FMO1: variants seen among roughly 807,000 people sequenced by gnomAD.
FMO1 encodes the protein flavin containing dimethylaniline monoxygenase 1.
A neutral mutation model predicts 45.4 loss-of-function variants in FMO1; 36 were observed. That is an observed-to-expected ratio of 0.79 (90% CI 0.61 to 1.05). The LOEUF is 1.05. Among genes scored for constraint, FMO1 ranks in the 50% least tolerant of loss-of-function variants. The pLI, the probability that FMO1 is intolerant of heterozygous loss-of-function variation, is 0.00. For missense variants in FMO1, 615 were observed against 640.3 expected (o/e 0.96, Z 0.43); for synonymous variants, 228 against 227.2 (o/e 1.00, Z -0.03).
In FMO1 at chr1:171,270,846, A is replaced by C. The variant is rs184815680; in HGVS notation, c.321+3115A>C. ...AAAGACACTGTACAGTTTAAAAACA[A>C]ATCCTACACAGACTTACATTTCCAT... On this transcript the variant is annotated intron_variant, in intron 3 of 8. Coordinates refer to ENST00000617670, the MANE Select transcript of FMO1 (RefSeq NM_001282693.2). 2.0e-4 allele frequency: 143 copies of C among 699,100 alleles called. 1 individual carries two copies. The highest frequency in any genetic ancestry group is 1.8e-3 in the South Asian group (92 of 50,512). The allele number at this position is 699,100 out of a possible 1,614,324, so 43.3% of individuals were successfully genotyped here.
chr1:171,285,243 T>C lies in FMO1; in HGVS notation c.1298T>C (p.Ile433Thr), dbSNP rs144863324. 23 of 1,613,320 alleles carry C rather than the reference T, an allele frequency of 1.4e-5. No individual in the cohort carries two copies. In the African/African-American group the frequency reaches 3.1e-4, roughly 22 times the overall value. ...TGCAAGGCTTTACAATCAGATTATA[T>C]CACATACATAGATGAACTCCTGACC... is the stretch of plus-strand genomic sequence containing the variant. ...CYCKALQSDY[I>T]TYIDELLTYI... The change falls in exon 9 of 9, where the codon ATC (isoleucine) becomes ACC (threonine). Residue 433 changes from isoleucine to threonine, a missense_variant. Coordinates refer to ENST00000617670, the MANE Select transcript of FMO1 (RefSeq NM_001282693.2).
intron 4 of FMO1, among the ~76,000 whole-genome samples, chr1:171,277,872 C>T (rs1204794773): frequency 6.6e-6 from 1 of 152,056 alleles, no homozygotes; most frequent in Non-Finnish European, 1.5e-5. Context: ...CAAGTATATA[C>T]ATTTTTCCCC....
chr1:171,254,152 G>C (rs565891371), intron 1 of FMO1: 2 of 151,948 alleles, frequency 1.3e-5, no homozygotes, highest in African/African-American at 4.8e-5. Context: ...GCAGTGGCAC[G>C]ATCTTGGCTC....
In FMO1 at chr1:171,282,301, C is replaced by T; in HGVS notation, c.1151C>T (p.Thr384Ile). The T allele has an allele frequency of 6.2e-7, 1 of 1,612,954 alleles. No individual in the cohort carries two copies. The highest frequency in any genetic ancestry group is 8.5e-7 in the Non-Finnish European group (1 of 1,179,182). The change falls in exon 7 of 9, where the codon ACA becomes ATA. Residue 384 changes from threonine to isoleucine, a missense_variant. Transcript: ENST00000617670. Reference protein sequence around the residue: ...PLGSMIPTGETQARWAVRVLK... With the variant: ...PLGSMIPTGEIQARWAVRVLK... The stretch of plus-strand genomic sequence containing the variant: ...GGCTCCATGATACCTACAGGAGAAA[C>T]ACAAGCTCGGTGGGCTGTTCGAGTC...
intron 1 of FMO1, among the ~76,000 whole-genome samples, chr1:171,252,580 C>T (rs1294684558): frequency 2.6e-5 from 4 of 152,200 alleles, no homozygotes; most frequent in Non-Finnish European, 2.9e-5. Context: ...GGCTGAGAGT[C>T]GGTGATGCTG....
At chr1:171,273,503 A>T (rs1660961439) in intron 3 of FMO1, among the ~76,000 whole-genome samples, 1 of 151,742 alleles carries the variant, frequency 6.6e-6, no homozygotes, top group African/African-American at 2.4e-5. Flanking sequence ...GCTGCCCAAG[A>T]CCTTTTTTAT....
intron 3 of FMO1, chr1:171,270,753 G>T (rs1398757146): frequency 9.9e-5 from 112 of 1,126,574 alleles, no homozygotes; most frequent in Non-Finnish European, 1.2e-4. Flanking sequence ...AAGGTTAGTG[G>T]CTATTGAAAA....
intron 4 of FMO1, among the ~76,000 whole-genome samples, chr1:171,276,438 C>G (rs761131610): frequency 3.9e-5 from 6 of 152,152 alleles, no homozygotes; most frequent in Non-Finnish European, 8.8e-5. Context: ...CTTCTTGAAC[C>G]CATTCAACAA....
intron 8 of FMO1, among the ~76,000 whole-genome samples, chr1:171,284,831 T>G (rs1357057287): frequency 6.6e-6 from 1 of 152,016 alleles, no homozygotes; most frequent in Non-Finnish European, 1.5e-5. Context: ...ACCCTATAGA[T>G]TTTTGTGGCT....
intron 2 of FMO1, among the ~76,000 whole-genome samples, chr1:171,263,459 T>C (rs1328945220): frequency 6.6e-6 from 1 of 152,162 alleles, no homozygotes; most frequent in Non-Finnish European, 1.5e-5. Flanking sequence ...TGGAGTCTGT[T>C]TCACAGCTCA....
intron 4 of FMO1, among the ~76,000 whole-genome samples, chr1:171,278,171 G>A (rs1343730770): frequency 6.6e-6 from 1 of 152,118 alleles, no homozygotes; most frequent in Non-Finnish European, 1.5e-5. Flanking sequence ...AGCAAACTCA[G>A]CCTGAGTTAC....
chr1:171,271,288 G>T lies in FMO1; in HGVS notation c.321+3557G>T, dbSNP rs200093145. 123 of 1,268,390 alleles carry T rather than the reference G, an allele frequency of 9.7e-5. 4 individuals carry two copies. The East Asian group carries it at 1.2e-3, about 12-fold the overall frequency. 78.6% of individuals were successfully genotyped at this position (1,268,390 alleles called of 1,614,324 possible). A position where few individuals can be genotyped will look rare whatever the true frequency, so the allele number is the denominator to read the frequency against. On this transcript the variant is annotated intron_variant, in intron 3 of 8. Transcript: ENST00000617670. The stretch of plus-strand genomic sequence containing the variant: ...ATACTCAGAGCAGAACAGGAAAAAG[G>T]CTGAAGGAGGCCTCTTGGGTGCATT...
intron 2 of FMO1, among the ~76,000 whole-genome samples, chr1:171,260,317 G>T (rs1279719970): frequency 1.3e-5 from 2 of 152,138 alleles, no homozygotes; most frequent in Non-Finnish European, 2.9e-5. Context: ...ATTTTTGTAG[G>T]CAAATAGAAA....
rs113367387 is a variant in FMO1 at position 171,252,736 on chromosome 1, G to A, written c.-7+4113G>A. Among the ~76,000 whole-genome samples the A allele has an allele frequency of 3.3e-5, 5 of 152,296 alleles. 1 individual carries two copies. The highest frequency in any genetic ancestry group is 1.2e-4 in the African/African-American group (5 of 41,578). On this transcript the variant is annotated intron_variant, in intron 1 of 8. Transcript: ENST00000617670. ...GCACTGTGCTCACCACACATCTGGT[G>A]CAGCCTTTTCTGGCAGAGGCTCTTG...
At position 171,256,920 on chromosome 1, in the gene FMO1, T is replaced by C. The variant is rs1571328495; in HGVS notation, c.-6-1162T>C. Among the ~76,000 whole-genome samples the C allele has an allele frequency of 3.3e-5, 5 of 152,322 alleles. No homozygotes were observed. The South Asian group carries it at 1.0e-3, about 32-fold the overall frequency. On this transcript the variant is annotated intron_variant, in intron 1 of 8. Transcript: ENST00000617670. Reference sequence around the variant, plus strand: ...TATTGGGGGAAAAGCTAACATCACATAATTTAGTGACAAATGTGTGTGCTA... The same window carrying C: ...TATTGGGGGAAAAGCTAACATCACACAATTTAGTGACAAATGTGTGTGCTA...
chr1:171,281,289 C>T lies in FMO1; in HGVS notation c.827+304C>T, dbSNP rs115999151. Among the ~76,000 whole-genome samples the T allele has an allele frequency of 7.2e-3, 1,100 of 152,254 alleles. 14 individuals carry two copies. The highest frequency in any genetic ancestry group is 0.025 in the African/African-American group (1,037 of 41,546). On this transcript the variant is annotated intron_variant, in intron 6 of 8. Transcript: ENST00000617670. ...TAGTAAGTGAACTCTGTGACCTTGG[C>T]AAGTTACTTGATCCTCAGCTGTAGC... is the stretch of plus-strand genomic sequence containing the variant.
intron 3 of FMO1, among the ~76,000 whole-genome samples, chr1:171,271,885 A>G (rs181286084): frequency 6.6e-6 from 1 of 152,376 alleles, no homozygotes; most frequent in East Asian, 1.9e-4. Flanking sequence ...AATAGAAAAG[A>G]AAATCTTATT....
chr1:171,257,941 TCA>T, intron 1 of FMO1, 139 bp from the exon 2 acceptor site: 2 of 903,094 alleles, frequency 2.2e-6, no homozygotes, highest in Non-Finnish European at 3.4e-6. Context: ...CTTCTCACAT[TCA>T]CACACCAGAG....
In FMO1 at chr1:171,285,310, G is replaced by A. The variant is rs371282480; in HGVS notation, c.1365G>A (p.Thr455=). The change falls in exon 9 of 9, where the codon ACG becomes ACA. Residue 455 remains threonine, a synonymous_variant. Coordinates refer to ENST00000617670, the MANE Select transcript of FMO1 (RefSeq NM_001282693.2). ...AKPNLFSMLL[T]DPHLALTVFF... is the part of the protein sequence containing the mutation. ...CCAACCTGTTCTCTATGCTCCTAACGGATCCACATCTGGCTCTGACCGTCT... is the reference window on the plus strand; with the variant it reads ...CCAACCTGTTCTCTATGCTCCTAACAGATCCACATCTGGCTCTGACCGTCT... 190 of 1,613,794 alleles carry A rather than the reference G, an allele frequency of 1.2e-4. No homozygotes were observed. The highest frequency in any genetic ancestry group is 1.5e-4 in the Non-Finnish European group (176 of 1,179,916).
Sources: gnomAD v4.1 joint callset for allele counts (sites outside exome capture counted in the v4.1 genomes callset) on GRCh38, gnomAD v4.1.1 for gene constraint, MANE v1.5 for transcripts, NCBI Gene and HGNC (gene_info 2026-07-23, HGNC 2026-07-21) for gene names.